CCDC126: variants seen among roughly 807,000 people sequenced by gnomAD.
CCDC126 encodes coiled-coil domain-containing protein 126.
A neutral mutation model predicts 11.7 loss-of-function variants in CCDC126; 5 were observed. That is an observed-to-expected ratio of 0.43 (90% CI 0.22 to 0.90). The LOEUF (loss-of-function observed/expected upper bound fraction) is 0.90. Among genes scored for constraint, CCDC126 ranks in the 40% least tolerant of loss-of-function variants. The pLI is 0.27. For missense variants in CCDC126, 150 were observed against 163.1 expected, an observed-to-expected ratio of 0.92 and a Z score of 0.44; for synonymous variants, 60 against 61.9, an observed-to-expected ratio of 0.97 and a Z score of 0.14.
At chr7:23,600,349 G>C (rs999873220) in intron 2 of CCDC126, among the ~76,000 whole-genome samples, 1 of 150,102 alleles carries the variant, frequency 6.7e-6, no homozygotes. Context: ...CCTTATTATG[G>C]AGCGAATGGC....
chr7:23,625,644 G>A (rs1287738155), intron 3 of CCDC126, among the ~76,000 whole-genome samples: 2 of 139,466 alleles, frequency 1.4e-5, no homozygotes, highest in African/African-American at 5.4e-5. Context: ...TTTCTTATTT[G>A]ACTGATTTTT....
At chr7:23,601,567 C>G (rs117228292) in intron 2 of CCDC126, among the ~76,000 whole-genome samples, 2 of 152,124 alleles carry the variant, frequency 1.3e-5, no homozygotes, top group East Asian at 3.8e-4. Context: ...ACAGTGGAGT[C>G]CTGTGCTGAA....
intron 2 of CCDC126, among the ~76,000 whole-genome samples, chr7:23,603,496 G>A (rs1194224536): frequency 1.3e-5 from 2 of 152,182 alleles, no homozygotes; most frequent in African/African-American, 4.8e-5. Flanking sequence ...GTAGTGTGGT[G>A]TAGAGAAAAC....
chr7:23,620,671 G>T (rs1176632004), intron 3 of CCDC126, among the ~76,000 whole-genome samples: 1 of 152,076 alleles, frequency 6.6e-6, no homozygotes, highest in African/African-American at 2.4e-5. Context: ...TGTCCTGAAT[G>T]GTATTGCCTA....
intron 3 of CCDC126, among the ~76,000 whole-genome samples, chr7:23,627,501 AG>A (rs912864710): frequency 6.6e-6 from 1 of 151,204 alleles, no homozygotes; most frequent in African/African-American, 2.4e-5. Flanking sequence ...GAGGAGGTAG[AG>A]GTTACAGTGA....
chr7:23,634,475 A>T (rs748089516), intron 3 of CCDC126, among the ~76,000 whole-genome samples: 42 of 152,338 alleles, frequency 2.8e-4, no homozygotes, highest in Non-Finnish European at 4.6e-4. Context: ...AAAAACAAAC[A>T]AACAAACAAA....
At chr7:23,601,742 T>C (rs1782548725) in intron 2 of CCDC126, 1 of 152,212 alleles carries the variant, frequency 6.6e-6, no homozygotes, top group Non-Finnish European at 1.5e-5. Context: ...AGAGTCTCTG[T>C]CACCCATAGC....
chr7:23,632,451 A>G (rs1456688985), intron 3 of CCDC126, among the ~76,000 whole-genome samples: 1 of 152,224 alleles, frequency 6.6e-6, no homozygotes, highest in Admixed American at 6.5e-5. Context: ...AAGATCAATC[A>G]TTGTAATACC....
At position 23,644,190 on chromosome 7, in the gene CCDC126, C is replaced by G. The variant is rs1757519466; in HGVS notation, c.*1075C>G. 6.6e-6 allele frequency: 1 copy of G among 152,058 alleles called. No homozygotes were observed. 9.4% of individuals were successfully genotyped at this position (152,058 alleles called of 1,614,324 possible). A position where few individuals can be genotyped will look rare whatever the true frequency, so the allele number is the denominator to read the frequency against. On this transcript the variant is annotated 3_prime_UTR_variant, in exon 4 of 4. Transcript: ENST00000307471. ...AGATATTCATTTTATATAATGGCCA[C>G]TTAAAATAAGAACATTTAAAATATA...
intron 2 of CCDC126, among the ~76,000 whole-genome samples, chr7:23,602,821 C>A (rs1399887151): frequency 6.6e-6 from 1 of 151,514 alleles, no homozygotes; most frequent in East Asian, 1.9e-4. Context: ...AGCAGTTTAT[C>A]ACAAACTGAG....
chr7:23,637,865 G>GCCGC (rs1783266077), intron 3 of CCDC126, among the ~76,000 whole-genome samples: 1 of 119,838 alleles, frequency 8.3e-6, no homozygotes, highest in African/African-American at 2.9e-5. Flanking sequence ...CGCCCGGCCG[G>GCCGC]CCGCCCCGTC....
rs111782810 is a variant in CCDC126, at chr7:23,605,713, G to A, written c.-145-5458G>A. Among the ~76,000 whole-genome samples, 84 of 152,216 alleles carry A rather than the reference G, an allele frequency of 5.5e-4. 2 individuals carry two copies. Among genetic ancestry groups the A allele is most frequent in the Middle Eastern group, 3.4e-3 (1 of 294 alleles). ...CCACATTTTATTTATCTGTTTATCTGTTGATGGACACTTGGGTTGTTTCCA... is the reference window on the plus strand; with the variant it reads ...CCACATTTTATTTATCTGTTTATCTATTGATGGACACTTGGGTTGTTTCCA... On this transcript the variant is annotated intron_variant, in intron 2 of 3. Coordinates refer to ENST00000307471, the MANE Select transcript of CCDC126 (RefSeq NM_138771.4).
chr7:23,615,749 A>G (rs1003599323), intron 3 of CCDC126, among the ~76,000 whole-genome samples: 6 of 152,238 alleles, frequency 3.9e-5, no homozygotes, highest in African/African-American at 1.4e-4. Context: ...GACAGAGGAA[A>G]GGCCATTGGA....
Position 23,609,722 on chromosome 7 carries a change from T to TGTG in CCDC126, c.-145-1442_-145-1440dup, listed in dbSNP as rs375079191. 7.9e-3 allele frequency among the ~76,000 whole-genome samples: 1,205 copies of TGTG among 151,728 alleles called. 18 individuals carry two copies. Among genetic ancestry groups the TGTG allele is most frequent in the African/African-American group, 0.027 (1,128 of 41,362 alleles). On this transcript the variant is annotated intron_variant, in intron 2 of 3. Coordinates refer to ENST00000307471, the MANE Select transcript of CCDC126 (RefSeq NM_138771.4). Reference sequence around the variant, plus strand: ...TCTCTACAAAAAAAAATTAGCCAGGTGTGGTGGTGCATGCCTGTGGTCCCA... The same window carrying TGTG: ...TCTCTACAAAAAAAAATTAGCCAGGTGTGGTGGTGGTGCATGCCTGTGGTCCCA...
intron 2 of CCDC126, among the ~76,000 whole-genome samples, chr7:23,606,386 A>G (rs1342857107): frequency 6.6e-6 from 1 of 151,990 alleles, no homozygotes; most frequent in Non-Finnish European, 1.5e-5. Context: ...ACATTTCCCT[A>G]TGATTAATGA....
chr7:23,636,776 G>C (rs939283349), intron 3 of CCDC126, among the ~76,000 whole-genome samples: 1 of 143,588 alleles, frequency 7.0e-6, no homozygotes, highest in Non-Finnish European at 1.5e-5. Flanking sequence ...AGGTGGGGGG[G>C]GGGTCAGCCC....
intron 3 of CCDC126, among the ~76,000 whole-genome samples, chr7:23,612,078 G>A (rs1366989329): frequency 6.6e-6 from 1 of 151,382 alleles, no homozygotes; most frequent in Non-Finnish European, 1.5e-5. Flanking sequence ...CCTGGGAGGC[G>A]GAGGTTGCAG....
intron 3 of CCDC126, among the ~76,000 whole-genome samples, chr7:23,628,101 G>A (rs1323969071): frequency 6.6e-6 from 1 of 152,130 alleles, no homozygotes; most frequent in Non-Finnish European, 1.5e-5. Flanking sequence ...GGCTATTGGA[G>A]ATTATCTTTT....
At chr7:23,642,318 A>C (rs761865949) in intron 3 of CCDC126, among the ~76,000 whole-genome samples, 1 of 152,194 alleles carries the variant, frequency 6.6e-6, no homozygotes, top group Non-Finnish European at 1.5e-5. Context: ...CAAAATGCTT[A>C]AGAAACTCAA....
Sources: allele counts gnomAD v4.1 joint callset (sites outside exome capture counted in the v4.1 genomes callset), GRCh38; gene constraint gnomAD v4.1.1; transcripts MANE v1.5; gene names NCBI Gene and HGNC (gene_info 2026-07-23, HGNC 2026-07-21).